The following DNAAF11 variants were observed in gnomAD, a reference collection of about 807,000 sequenced individuals.
DNAAF11 encodes the protein dynein axonemal assembly factor 11.
DNAAF11 carries 45 observed loss-of-function variants against 60.8 expected under a neutral mutation model. The observed-to-expected ratio is 0.74, with a 90% CI of 0.58 to 0.95. The LOEUF is 0.95. Among genes scored for constraint, DNAAF11 ranks in the 40% least tolerant of loss-of-function variants. The pLI is 0.00. For missense variants in DNAAF11, 546 were observed against 546.2 expected (o/e 1.00, Z 0.00); for synonymous variants, 191 against 183.5 (o/e 1.04, Z -0.33).
intron 11 of DNAAF11, among the ~76,000 whole-genome samples, chr8:132,573,327 T>G (rs918302140): frequency 6.6e-6 from 1 of 152,328 alleles, no homozygotes; most frequent in East Asian, 1.9e-4. Flanking sequence ...TAAATATCTA[T>G]GATATTCCAG....
At chr8:132,682,091 T>G in the DNAAF11 span, among the ~76,000 whole-genome samples, 8 of 152,352 alleles carry the variant, frequency 5.3e-5, no homozygotes, top group East Asian at 1.5e-3. Flanking sequence ...TACATTCTTT[T>G]CAATTGAAAG....
chr8:132,654,379 A>T (rs183529511), intron 3 of DNAAF11, among the ~76,000 whole-genome samples: 44 of 152,126 alleles, frequency 2.9e-4, no homozygotes, highest in Non-Finnish European at 8.8e-5. Flanking sequence ...TTAGAATATC[A>T]GCAAGGAAAT....
At chr8:132,606,838 T>C (rs1388458344) in intron 10 of DNAAF11, among the ~76,000 whole-genome samples, 1 of 152,110 alleles carries the variant, frequency 6.6e-6, no homozygotes, top group African/African-American at 2.4e-5. Flanking sequence ...GCATACAGAA[T>C]ATGAGTATAA....
rs903539261 is a variant in DNAAF11 at position 132,571,448 on chromosome 8, TA to T, written c.*857del. The stretch of plus-strand genomic sequence containing the variant: ...TCTAGATAAAGAAGAGGTAGGATAT[TA>T]AAAAAGTAAAGAAGGAAATAGAGGA... On this transcript the variant is annotated 3_prime_UTR_variant, in exon 12 of 12. Transcript: ENST00000620350. Among the ~76,000 whole-genome samples, 8 of 151,740 alleles carry T rather than the reference TA, an allele frequency of 5.3e-5. No homozygotes were observed. The highest frequency in any genetic ancestry group is 3.4e-3 in the Middle Eastern group (1 of 294).
intron 8 of DNAAF11, among the ~76,000 whole-genome samples, chr8:132,614,809 CT>C (rs1305459703): frequency 6.6e-5 from 10 of 152,212 alleles, no homozygotes; most frequent in Admixed American, 6.5e-4. Context: ...TATTTAAACT[CT>C]GCCTTAGATA....
At chr8:132,687,736 T>C in the DNAAF11 span, 1 of 455,326 alleles carries the variant, frequency 2.2e-6, no homozygotes, top group Non-Finnish European at 4.4e-6. Context: ...AACTCAAATC[T>C]GCCTGACTCC....
chr8:132,595,577 TC>T (rs1309045534), intron 10 of DNAAF11, among the ~76,000 whole-genome samples: 2 of 152,056 alleles, frequency 1.3e-5, no homozygotes, highest in African/African-American at 4.8e-5. Flanking sequence ...AAAATTTACT[TC>T]TTTAAAAAAA....
intron 7 of DNAAF11, among the ~76,000 whole-genome samples, chr8:132,620,074 G>C (rs1389800925): frequency 6.6e-6 from 1 of 152,146 alleles, no homozygotes; most frequent in Non-Finnish European, 1.5e-5. Context: ...AGGTAGGAGA[G>C]CAGCTTGTAG....
In DNAAF11 at chr8:132,669,940, C is replaced by CAAAAAAA. The variant is rs35402875; in HGVS notation, c.10+5537_10+5543dup. ...TGGGTGACAGAGCAAGACTCCGTCT[C>CAAAAAAA]AAAAAAAAAAAAAAAAAAAAAAAAA... On this transcript the variant is annotated intron_variant, in intron 1 of 11. Transcript: ENST00000620350. 6.5e-4 allele frequency among the ~76,000 whole-genome samples: 45 copies of CAAAAAAA among 69,754 alleles called. 1 individual carries two copies. Among genetic ancestry groups the CAAAAAAA allele is most frequent in the African/African-American group, 1.7e-3 (43 of 25,034 alleles). 45.8% of individuals were successfully genotyped at this position (69,754 alleles called of 152,430 possible).
Position 132,572,348 on chromosome 8 carries a change from G to T in DNAAF11, c.1359C>A (p.Asp453Glu). ...PEPKIIPSEEDPTFEDNPEVP... is the reference protein window; with the variant it reads ...PEPKIIPSEEEPTFEDNPEVP... Reference sequence around the variant, plus strand: ...CTTCAGGGTTGTCTTCAAAGGTTGGGTCTTCCTCACTTGGTATAATTTTGG... The same window carrying T: ...CTTCAGGGTTGTCTTCAAAGGTTGGTTCTTCCTCACTTGGTATAATTTTGG... The change falls in exon 12 of 12, where the codon GAC becomes GAA. Residue 453 changes from aspartate (D) to glutamate (E), a missense_variant. Coordinates refer to ENST00000620350, the MANE Select transcript of DNAAF11 (RefSeq NM_012472.6). The T allele has an allele frequency of 6.2e-7, 1 of 1,613,990 alleles. No homozygotes were observed. The highest frequency in any genetic ancestry group is 8.5e-7 in the Non-Finnish European group (1 of 1,179,910).
At chr8:132,587,986 G>A (rs372160649) in intron 10 of DNAAF11, among the ~76,000 whole-genome samples, 2 of 152,066 alleles carry the variant, frequency 1.3e-5, no homozygotes, top group Non-Finnish European at 2.9e-5. Flanking sequence ...GCATTGAGAC[G>A]ATCTATATCA....
intron 6 of DNAAF11, among the ~76,000 whole-genome samples, chr8:132,623,862 C>G (rs1343651004): frequency 6.6e-6 from 1 of 152,090 alleles, no homozygotes; most frequent in Non-Finnish European, 1.5e-5. Context: ...TAAAGCAGAT[C>G]AGAGTTAGGA....
chr8:132,607,890 G>A (rs1417724650), intron 10 of DNAAF11, among the ~76,000 whole-genome samples: 3 of 152,058 alleles, frequency 2.0e-5, no homozygotes, highest in Non-Finnish European at 4.4e-5. Context: ...GATTCTTACA[G>A]TATGTTTCAT....
the DNAAF11 span, among the ~76,000 whole-genome samples, chr8:132,696,236 A>G: frequency 2.6e-5 from 4 of 152,244 alleles, no homozygotes; most frequent in African/African-American, 9.6e-5. Flanking sequence ...CAAAACCACA[A>G]TAATATACTA....
At chr8:132,640,411 C>G (rs1237590022) in intron 3 of DNAAF11, among the ~76,000 whole-genome samples, 1 of 152,162 alleles carries the variant, frequency 6.6e-6, no homozygotes, top group African/African-American at 2.4e-5. Context: ...CTATCTGAAT[C>G]TCGTACTCCT....
chr8:132,606,968 T>G (rs946361244), intron 10 of DNAAF11, among the ~76,000 whole-genome samples: 12 of 152,224 alleles, frequency 7.9e-5, no homozygotes, highest in Admixed American at 7.9e-4. Flanking sequence ...TACAGTTGTT[T>G]ATTGTTGTAG....
At chr8:132,660,809 T>G (rs1440285782) in intron 2 of DNAAF11, among the ~76,000 whole-genome samples, 1 of 152,172 alleles carries the variant, frequency 6.6e-6, no homozygotes, top group Non-Finnish European at 1.5e-5. Flanking sequence ...GAGGAGAAAC[T>G]TGTGGTTGTT....
Position 132,661,550 on chromosome 8 carries a change from G to T in DNAAF11, c.88C>A (p.Gln30Lys). Reference protein sequence around the residue: ...IFSLEELSLHQQEIERLEHID... With the variant: ...IFSLEELSLHKQEIERLEHID... ...TGTTCTAGTCTTTCTATTTCTTGCTGATGCAACGAGAGTTCCTCCAGGGAA... is the reference window on the plus strand; with the variant it reads ...TGTTCTAGTCTTTCTATTTCTTGCTTATGCAACGAGAGTTCCTCCAGGGAA... Residue 30 changes from glutamine to lysine, a missense_variant, in exon 2 of 12, where the codon CAG (glutamine) becomes AAG (lysine). Physicochemically the swap from Gln to Lys is moderately conservative, Grantham distance 53. Coordinates refer to ENST00000620350, the MANE Select transcript of DNAAF11 (RefSeq NM_012472.6). The T allele has an allele frequency of 1.2e-6, 2 of 1,613,778 alleles. No individual in the cohort carries two copies. Among genetic ancestry groups the T allele is most frequent in the Admixed American group, 3.3e-5 (2 of 60,016 alleles).
chr8:132,701,272 T>C, the DNAAF11 span, among the ~76,000 whole-genome samples: 1 of 152,196 alleles, frequency 6.6e-6, no homozygotes, highest in Admixed American at 6.5e-5. Flanking sequence ...CCGGCTCATA[T>C]ATTCTTTCAA....
Sources: gnomAD v4.1 joint callset for allele counts (sites outside exome capture counted in the v4.1 genomes callset) on GRCh38, gnomAD v4.1.1 for gene constraint, MANE v1.5 for transcripts, NCBI Gene and HGNC (gene_info 2026-07-23, HGNC 2026-07-21) for gene names.